Variants in TOPBP1 observed in about 807,000 individuals in gnomAD.
TOPBP1 encodes the protein DNA topoisomerase II binding protein 1.
A neutral mutation model predicts 167.7 loss-of-function variants in TOPBP1; 28 were observed. The observed-to-expected ratio is 0.17, with a 90% CI of 0.12 to 0.23. The LOEUF (loss-of-function observed/expected upper bound fraction) is 0.23, where lower values mean the gene tolerates loss of function less well. TOPBP1 is among the 10% of genes least tolerant of loss of function. The probability of loss-of-function intolerance (pLI) is 1.00; values close to 1 mark genes in which losing one functional copy is unlikely to be tolerated. For synonymous variants in TOPBP1, 598 were observed against 611.4 expected (o/e 0.98, Z 0.32); for missense variants, 1,554 against 1,809.6 (o/e 0.86, Z 2.56).
chr3:133,602,874 A>G (rs1435322808), intron 27 of TOPBP1, among the ~76,000 whole-genome samples: 3 of 151,380 alleles, frequency 2.0e-5, no homozygotes, highest in Non-Finnish European at 2.9e-5. Context: ...CTTGGATGCA[A>G]GAGATCTACC....
At chr3:133,638,231 G>T (rs1444347145) in intron 13 of TOPBP1, 69 bp from the exon 14 acceptor site, 3 of 1,429,242 alleles carry the variant, frequency 2.1e-6, no homozygotes, top group Non-Finnish European at 2.9e-6. Flanking sequence ...TACACAAGAA[G>T]TAATATTTTA....
chr3:133,623,375 A>C lies in TOPBP1; in HGVS notation c.3011T>G (p.Val1004Gly), dbSNP rs760258032. Residue 1004 changes from valine to glycine, a missense_variant, in exon 18 of 28, where the codon GTG (valine) becomes GGG (glycine). Physicochemically the swap from Val to Gly is moderately radical, Grantham distance 109. Coordinates refer to ENST00000260810, the MANE Select transcript of TOPBP1 (RefSeq NM_007027.4). ...ACTATTACAGAGCCGGCCATCTTGC[A>C]CTGCGCTGATATCCAAGCTCATTTT... is the stretch of plus-strand genomic sequence containing the variant. The part of the protein sequence containing the change: ...NPKMSLDISA[V>G]QDGRLCNSRL... 6.2e-7 allele frequency: 1 copy of C among 1,613,502 alleles called. No individual in the cohort carries two copies.
chr3:133,617,278 G>C lies in TOPBP1; in HGVS notation c.3641C>G (p.Pro1214Arg). 6.2e-7 allele frequency: 1 copy of C among 1,613,648 alleles called. No homozygotes were observed. Among genetic ancestry groups the C allele is most frequent in the Non-Finnish European group, 8.5e-7 (1 of 1,179,790 alleles). The change falls in exon 22 of 28, where the codon CCA becomes CGA. Residue 1214 changes from proline (P) to arginine (R), a missense_variant. This residue lies in a region of TOPBP1 where 351 missense variants were observed against 432.9 expected (regional missense o/e 0.81). Coordinates refer to ENST00000260810, the MANE Select transcript of TOPBP1 (RefSeq NM_007027.4). ...NIRVTEAPKHPISEELETPIK... is the reference protein window; with the variant it reads ...NIRVTEAPKHRISEELETPIK... ...GGGAGTTTCCAGTTCTTCAGAGATT[G>C]GGTGTTTGGGAGCTTCAGTCACACG...
chr3:133,654,110 G>A (rs1228455557), intron 6 of TOPBP1, among the ~76,000 whole-genome samples: 1 of 152,112 alleles, frequency 6.6e-6, no homozygotes, highest in East Asian at 1.9e-4. Flanking sequence ...ACAAACTGCA[G>A]GAAGACAGAA....
intron 25 of TOPBP1, among the ~76,000 whole-genome samples, chr3:133,609,268 G>A (rs1348461683): frequency 6.6e-6 from 1 of 152,118 alleles, no homozygotes; most frequent in Non-Finnish European, 1.5e-5. Context: ...CAAGGGAAGA[G>A]CTTCAAGCAG....
intron 12 of TOPBP1, among the ~76,000 whole-genome samples, chr3:133,641,741 C>T (rs549141509): frequency 6.6e-6 from 1 of 152,320 alleles, no homozygotes; most frequent in East Asian, 1.9e-4. Context: ...ACAGCTTTAG[C>T]TGTATCCAGT....
intron 12 of TOPBP1, among the ~76,000 whole-genome samples, chr3:133,642,760 T>C (rs764750551): frequency 2.6e-5 from 4 of 152,324 alleles, no homozygotes; most frequent in Non-Finnish European, 5.9e-5. Context: ...TGAAACATCT[T>C]TATAAAGGGA....
chr3:133,624,255 C>G, intron 16 of TOPBP1, 80 bp from the exon 17 acceptor site: 1 of 1,510,752 alleles, frequency 6.6e-7, no homozygotes, highest in Non-Finnish European at 9.0e-7. Flanking sequence ...TTACTGTGAA[C>G]AGAATATTCT....
intron 14 of TOPBP1, among the ~76,000 whole-genome samples, chr3:133,635,034 G>A (rs1334570194): frequency 1.3e-5 from 2 of 152,292 alleles, no homozygotes; most frequent in East Asian, 3.9e-4. Context: ...CAGGCAATTA[G>A]TGGGAGTCAA....
chr3:133,659,807 T>C (rs2107840531), intron 2 of TOPBP1, among the ~76,000 whole-genome samples: 1 of 152,318 alleles, frequency 6.6e-6, no homozygotes, highest in South Asian at 2.1e-4. Flanking sequence ...TGGAAGTTTC[T>C]ATGTATCTTG....
chr3:133,618,801 T>G (rs1051056146), intron 20 of TOPBP1, among the ~76,000 whole-genome samples: 1 of 152,152 alleles, frequency 6.6e-6, no homozygotes, highest in Non-Finnish European at 1.5e-5. Context: ...GGGTAATGTT[T>G]CAAACACTAT....
chr3:133,620,265 G>A lies in TOPBP1; in HGVS notation c.3261C>T (p.Pro1087=), dbSNP rs773275489. 6.2e-6 allele frequency: 10 copies of A among 1,613,942 alleles called. No homozygotes were observed. Among genetic ancestry groups the A allele is most frequent in the Non-Finnish European group, 8.5e-6 (10 of 1,179,876 alleles). Residue 1087 remains proline (P), a synonymous_variant, in exon 20 of 28, where the codon CCC becomes CCT. Transcript: ENST00000260810. ...EIMSATSIVK[P]QGQRTSLSRS... is the part of the protein sequence containing the mutation. ...TTGAAAGGGAAGTCCTCTGCCCTTG[G>A]GGTTTCACTATTGATGTTGCAGACA... is the stretch of plus-strand genomic sequence containing the variant.
At chr3:133,653,868 G>T (rs1179935373) in intron 6 of TOPBP1, among the ~76,000 whole-genome samples, 1 of 152,118 alleles carries the variant, frequency 6.6e-6, no homozygotes, top group Non-Finnish European at 1.5e-5. Context: ...CTGACCTCAG[G>T]TGATTCGCCT....
chr3:133,659,765 TATATA>T (rs2107840446), intron 2 of TOPBP1, among the ~76,000 whole-genome samples: 1 of 151,796 alleles, frequency 6.6e-6, no homozygotes, highest in African/African-American at 2.4e-5. Context: ...TACGTATTTA[TATATA>T]TATATATAGT....
chr3:133,604,872 TTGCCCCAC>T (rs1934438248), intron 27 of TOPBP1, among the ~76,000 whole-genome samples: 1 of 151,668 alleles, frequency 6.6e-6, no homozygotes, highest in African/African-American at 2.4e-5. Context: ...TGAGCTGATA[TTGCCCCAC>T]TGCACTCCAG....
chr3:133,642,150 T>G (rs2107812495), intron 12 of TOPBP1, among the ~76,000 whole-genome samples: 1 of 152,104 alleles, frequency 6.6e-6, no homozygotes, highest in South Asian at 2.1e-4. Flanking sequence ...CCACCATGCC[T>G]GGCTCATTTT....
chr3:133,637,052 T>C (rs1321669064), intron 14 of TOPBP1, among the ~76,000 whole-genome samples: 1 of 152,180 alleles, frequency 6.6e-6, no homozygotes, highest in Non-Finnish European at 1.5e-5. Context: ...ATATTTATTT[T>C]CTGAATATGA....
At chr3:133,631,171 A>G (rs537942986) in intron 14 of TOPBP1, among the ~76,000 whole-genome samples, 8 of 152,340 alleles carry the variant, frequency 5.3e-5, no homozygotes, top group African/African-American at 1.7e-4. Flanking sequence ...CCTAAGTGAT[A>G]AAGTGAGATC....
At chr3:133,632,236 C>T (rs1433230623) in intron 14 of TOPBP1, among the ~76,000 whole-genome samples, 2 of 151,792 alleles carry the variant, frequency 1.3e-5, no homozygotes, top group African/African-American at 4.8e-5. Context: ...GAAACCCCGT[C>T]TCTACTGAAA....
Sources: gnomAD v4.1 joint callset for allele counts (sites outside exome capture counted in the v4.1 genomes callset) on GRCh38, gnomAD v4.1.1 for gene constraint, gnomAD v4.1.1 regional missense constraint, MANE v1.5 for transcripts, NCBI Gene and HGNC (gene_info 2026-07-23, HGNC 2026-07-21) for gene names.